Variants in TENM3 observed in about 807,000 individuals in gnomAD.
The protein encoded by TENM3 is teneurin-3.
Under a neutral mutation model 255.1 loss-of-function variants are expected in TENM3, and 63 were observed. The ratio of observed to expected loss-of-function variants is 0.25; its 90% confidence interval spans 0.20 to 0.30. The LOEUF is 0.30. TENM3 is among the 10% of genes least tolerant of loss of function. TENM3 has a pLI of 1.00. For synonymous variants in TENM3, 1,306 were observed against 1,322.3 expected (o/e 0.99, Z 0.27); for missense variants, 2,929 against 3,461.1 (o/e 0.85, Z 3.86).
At chr4:181,554,635 A>T in the TENM3 span, among the ~76,000 whole-genome samples, 1 of 152,160 alleles carries the variant, frequency 6.6e-6, no homozygotes, top group Non-Finnish European at 1.5e-5. Flanking sequence ...CACCTCATGG[A>T]TGTTATTAAA....
intron 3 of TENM3, among the ~76,000 whole-genome samples, chr4:182,461,331 C>A (rs1774306502): frequency 6.6e-6 from 1 of 152,066 alleles, no homozygotes; most frequent in Admixed American, 6.5e-5. Flanking sequence ...GGTGGAGAGG[C>A]ACATGAGCAA....
At chr4:182,218,620 G>A (rs1755654662) in intron 1 of TENM3, among the ~76,000 whole-genome samples, 1 of 152,076 alleles carries the variant, frequency 6.6e-6, no homozygotes, top group African/African-American at 2.4e-5. Flanking sequence ...ACCAAATTAG[G>A]TTAAACTGTA....
At chr4:182,277,844 T>A (rs1438850366) in intron 1 of TENM3, among the ~76,000 whole-genome samples, 1 of 152,202 alleles carries the variant, frequency 6.6e-6, no homozygotes, top group Middle Eastern at 3.2e-3. Flanking sequence ...GAGGAAATTT[T>A]TAGAAGAATC....
In TENM3 at chr4:182,621,750, T is replaced by TA. The variant is rs1382746430; in HGVS notation, c.750-6901_750-6900insA. ...TATAAAATATATAATATATAATATATTATAATATATAATAATTATATATTA... is the reference window on the plus strand; with the variant it reads ...TATAAAATATATAATATATAATATATATATAATATATAATAATTATATATTA... On this transcript the variant is annotated intron_variant, in intron 4 of 27. Transcript: ENST00000511685. 2.9e-3 allele frequency among the ~76,000 whole-genome samples: 80 copies of TA among 27,460 alleles called. 2 individuals are homozygous for TA. Among genetic ancestry groups the TA allele is most frequent in the East Asian group, 0.011 (18 of 1,624 alleles). 18.0% of individuals were successfully genotyped at this position (27,460 alleles called of 152,430 possible).
At chr4:181,579,306 C>A in the TENM3 span, among the ~76,000 whole-genome samples, 2 of 152,158 alleles carry the variant, frequency 1.3e-5, no homozygotes, top group African/African-American at 2.4e-5. Flanking sequence ...ACCACTCCCC[C>A]CACATCTACT....
intron 3 of TENM3, among the ~76,000 whole-genome samples, chr4:182,386,885 C>G (rs982519771): frequency 6.6e-6 from 1 of 152,242 alleles, no homozygotes; most frequent in Non-Finnish European, 1.5e-5. Context: ...ATGCCGCCCC[C>G]TGTTCCACGG....
chr4:182,082,491 A>G, the TENM3 span, among the ~76,000 whole-genome samples: 1 of 152,220 alleles, frequency 6.6e-6, no homozygotes, highest in Non-Finnish European at 1.5e-5. Context: ...ACACACATAC[A>G]ATATTGAAAA....
At chr4:181,761,759 A>C in the TENM3 span, among the ~76,000 whole-genome samples, 1 of 152,180 alleles carries the variant, frequency 6.6e-6, no homozygotes, top group Non-Finnish European at 1.5e-5. Flanking sequence ...CGTATATGCT[A>C]CATATTCAGA....
At chr4:182,400,891 A>G (rs6838423) in intron 3 of TENM3, among the ~76,000 whole-genome samples, 79,317 of 152,036 alleles carry the variant, frequency 0.52, 21,078 homozygotes, top group Non-Finnish European at 0.56. Flanking sequence ...CCGTGGATTC[A>G]TGTTATACTA....
At chr4:181,703,183 G>T in the TENM3 span, among the ~76,000 whole-genome samples, 1 of 152,084 alleles carries the variant, frequency 6.6e-6, no homozygotes. Flanking sequence ...CCCGACGCAC[G>T]TTCACATTCT....
At chr4:181,793,176 A>G in the TENM3 span, among the ~76,000 whole-genome samples, 1 of 152,288 alleles carries the variant, frequency 6.6e-6, no homozygotes, top group Admixed American at 6.5e-5. Context: ...CGCTAGACTC[A>G]TTCATGCATC....
chr4:182,617,008 A>G (rs2152443202), intron 4 of TENM3, among the ~76,000 whole-genome samples: 1 of 152,350 alleles, frequency 6.6e-6, no homozygotes, highest in Middle Eastern at 3.4e-3. Flanking sequence ...CACATTGCTA[A>G]ATATACATTT....
chr4:182,110,523 A>G, the TENM3 span, among the ~76,000 whole-genome samples: 1 of 151,540 alleles, frequency 6.6e-6, no homozygotes, highest in African/African-American at 2.4e-5. Flanking sequence ...ACTGGGTTTC[A>G]CCTAATTGCC....
intron 4 of TENM3, among the ~76,000 whole-genome samples, chr4:182,623,854 G>A (rs975081874): frequency 2.0e-5 from 3 of 152,160 alleles, no homozygotes; most frequent in African/African-American, 7.2e-5. Context: ...TGCTTGTCCA[G>A]TGGCACACTC....
At chr4:182,454,146 G>A (rs373686199) in intron 3 of TENM3, among the ~76,000 whole-genome samples, 21 of 152,136 alleles carry the variant, frequency 1.4e-4, no homozygotes, top group African/African-American at 4.8e-4. Flanking sequence ...CCCATCATCA[G>A]TAAAGTGACC....
intron 1 of TENM3, among the ~76,000 whole-genome samples, chr4:182,262,028 T>C (rs954024487): frequency 1.3e-5 from 2 of 152,188 alleles, no homozygotes; most frequent in African/African-American, 2.4e-5. Flanking sequence ...CCTGATCTTA[T>C]GTTGGTATCA....
At chr4:181,536,688 C>T in the TENM3 span, among the ~76,000 whole-genome samples, 3 of 152,186 alleles carry the variant, frequency 2.0e-5, no homozygotes, top group Non-Finnish European at 2.9e-5. Context: ...TTTGATTCTT[C>T]TAGGACATTT....
intron 3 of TENM3, among the ~76,000 whole-genome samples, chr4:182,441,870 C>A (rs774406088): frequency 6.6e-6 from 1 of 152,104 alleles, no homozygotes; most frequent in African/African-American, 2.4e-5. Context: ...AGACACTATG[C>A]CAAATGTTAA....
the TENM3 span, among the ~76,000 whole-genome samples, chr4:181,745,911 T>C: frequency 6.6e-6 from 1 of 152,214 alleles, no homozygotes; most frequent in Non-Finnish European, 1.5e-5. Context: ...CACATGCAGA[T>C]AAGGAGTTGA....
Sources: allele counts gnomAD v4.1 joint callset (sites outside exome capture counted in the v4.1 genomes callset), GRCh38; gene constraint gnomAD v4.1.1; transcripts MANE v1.5; gene names NCBI Gene and HGNC (gene_info 2026-07-23, HGNC 2026-07-21).